MCM5: variants seen among roughly 807,000 people sequenced by gnomAD.
MCM5 encodes the protein minichromosome maintenance complex component 5, also known as DNA replication licensing factor MCM5.
MCM5 carries 46 observed loss-of-function variants against 79.9 expected under a neutral mutation model. The observed-to-expected ratio is 0.58, with a 90% CI of 0.45 to 0.74. The LOEUF is 0.74. Among genes scored for constraint, MCM5 ranks in the 30% least tolerant of loss-of-function variants. The pLI is 0.00. For synonymous variants in MCM5, 404 were observed against 390.5 expected (o/e 1.03, Z -0.41); for missense variants, 883 against 1,017.0 (o/e 0.87, Z 1.79).
Position 35,406,956 on chromosome 22 carries a change from G to A in MCM5, c.596+231G>A, listed in dbSNP as rs181019227. The stretch of plus-strand genomic sequence containing the variant: ...TGTCTCACCAGGATACCCAGACAGC[G>A]TTGTAGGGAACCCAGGGTTGGGAGG... On this transcript the variant is annotated intron_variant, in intron 5 of 16. Transcript: ENST00000216122. 9.2e-5 allele frequency among the ~76,000 whole-genome samples: 14 copies of A among 152,282 alleles called. No homozygotes were observed. The South Asian group carries it at 1.9e-3, about 20-fold the overall frequency.
Position 35,403,538 on chromosome 22 carries a change from T to A in MCM5, c.419T>A (p.Leu140Gln). Residue 140 changes from leucine to glutamine, a missense_variant, in exon 4 of 17, where the codon CTG becomes CAG. Transcript: ENST00000216122. Reference sequence around the variant, plus strand: ...GCCAGCCCTTCCAGCATTCGTAGCCTGAAGGTGGGTCGGAGGGCAGTGGCT... The same window carrying A: ...GCCAGCCCTTCCAGCATTCGTAGCCAGAAGGTGGGTCGGAGGGCAGTGGCT... ...SDASPSSIRS[L>Q]KSDMMSHLVK... is the part of the protein sequence containing the mutation. 6.2e-7 allele frequency: 1 copy of A among 1,613,466 alleles called. No homozygotes were observed. Among genetic ancestry groups the A allele is most frequent in the Non-Finnish European group, 8.5e-7 (1 of 1,180,006 alleles).
chr22:35,428,448 A>G (rs961003735), downstream of MCM5, among the ~76,000 whole-genome samples: 1 of 152,024 alleles, frequency 6.6e-6, no homozygotes, highest in South Asian at 2.1e-4. Flanking sequence ...GGTGTGAGCC[A>G]CTGCACCAGC....
the MCM5 span, among the ~76,000 whole-genome samples, chr22:35,431,259 G>C: frequency 6.6e-6 from 1 of 152,190 alleles, no homozygotes; most frequent in African/African-American, 2.4e-5. Flanking sequence ...TGCTCCAGCG[G>C]AAGTGGGTAT....
At chr22:35,427,579 G>C (rs1932786367), downstream of MCM5, among the ~76,000 whole-genome samples, 1 of 147,444 alleles carries the variant, frequency 6.8e-6, no homozygotes, top group Non-Finnish European at 1.5e-5. Flanking sequence ...CTTGTTTTTG[G>C]GGTACATGTG....
the MCM5 span, among the ~76,000 whole-genome samples, chr22:35,453,819 T>TATATATAGAGAGAGAGAG: frequency 1.5e-4 from 12 of 81,546 alleles, no homozygotes; most frequent in African/African-American, 5.4e-4. Context: ...TATATATATA[T>TATATATAGAGAGAGAGAG]AGAGAGAGAG....
At chr22:35,451,350 G>T in the MCM5 span, among the ~76,000 whole-genome samples, 2 of 152,278 alleles carry the variant, frequency 1.3e-5, no homozygotes, top group Admixed American at 1.3e-4. Flanking sequence ...GGGTCTCAGT[G>T]TGGGGAGATT....
the MCM5 span, among the ~76,000 whole-genome samples, chr22:35,435,348 C>T: frequency 6.6e-6 from 1 of 152,030 alleles, no homozygotes. Context: ...GGCTGTCTCT[C>T]AGGGCCGCGG....
the MCM5 span, among the ~76,000 whole-genome samples, chr22:35,446,357 A>T: frequency 6.6e-6 from 1 of 152,140 alleles, no homozygotes; most frequent in Non-Finnish European, 1.5e-5. Flanking sequence ...TTCCCCACAG[A>T]GGAAGCCAAG....
chr22:35,420,167 GC>G (rs1189859109), intron 14 of MCM5, among the ~76,000 whole-genome samples, 155 bp downstream of exon 14: 2 of 152,228 alleles, frequency 1.3e-5, no homozygotes, highest in African/African-American at 4.8e-5. Flanking sequence ...ATAAACTATG[GC>G]CTCCTTGATC....
At chr22:35,438,333 A>ATCCATCCG in the MCM5 span, among the ~76,000 whole-genome samples, 1 of 142,116 alleles carries the variant, frequency 7.0e-6, no homozygotes, top group Non-Finnish European at 1.5e-5. Context: ...CCATCTATCC[A>ATCCATCCG]TCCATCCATC....
intron 9 of MCM5, 23 bp from the exon 10 acceptor site, chr22:35,415,806 C>G: frequency 6.2e-7 from 1 of 1,604,988 alleles, no homozygotes; most frequent in South Asian, 1.1e-5. Flanking sequence ...TTATTGGGCC[C>G]TGACACCACC....
chr22:35,416,809 G>T lies in MCM5; in HGVS notation c.1585G>T (p.Asp529Tyr). Residue 529 changes from aspartate (D) to tyrosine (Y), a missense_variant, in exon 12 of 17, where the codon GAT (aspartate) becomes TAT (tyrosine). By Grantham distance (160) the Asp-to-Tyr change is radical. Transcript: ENST00000216122. ...CAAGGATGAGCACAATGAGGAGAGGGATGTGGTACGTCCAGGGGCAGGGCT... is the reference window on the plus strand; with the variant it reads ...CAAGGATGAGCACAATGAGGAGAGGTATGTGGTACGTCCAGGGGCAGGGCT... ...IVKDEHNEER[D>Y]VMLAKHVITL... is the part of the protein sequence containing the mutation. The T allele has an allele frequency of 6.2e-7, 1 of 1,613,672 alleles. No homozygotes were observed. The highest frequency in any genetic ancestry group is 1.1e-5 in the South Asian group (1 of 91,050).
At chr22:35,401,584 G>A (rs1932053223) in intron 2 of MCM5, 1 of 470,504 alleles carries the variant, frequency 2.1e-6, no homozygotes, top group Non-Finnish European at 4.4e-6. Context: ...TATTAGCTGA[G>A]TGACTTCCAG....
downstream of MCM5, among the ~76,000 whole-genome samples, chr22:35,427,718 T>C (rs981018422): frequency 7.0e-6 from 1 of 142,058 alleles, no homozygotes; most frequent in Non-Finnish European, 1.5e-5. Context: ...CCCACAAATG[T>C]TTAATTAGGA....
chr22:35,450,039 C>T, the MCM5 span, among the ~76,000 whole-genome samples: 2 of 152,196 alleles, frequency 1.3e-5, no homozygotes, highest in African/African-American at 2.4e-5. Context: ...CTGCCTCAGC[C>T]TCCCACAGTA....
intron 6 of MCM5, 126 bp downstream of exon 6, chr22:35,408,689 A>G (rs1392995224): frequency 8.3e-6 from 8 of 963,720 alleles, no homozygotes; most frequent in Non-Finnish European, 1.2e-5. Flanking sequence ...GGCCAGTTGC[A>G]GAGCACCTGC....
chr22:35,406,298 C>CCG (rs1569064463), intron 4 of MCM5, among the ~76,000 whole-genome samples: 9 of 136,220 alleles, frequency 6.6e-5, no homozygotes, highest in African/African-American at 1.4e-4. Context: ...GCCCTGCCAC[C>CCG]TCCCCCCCCA....
downstream of MCM5, among the ~76,000 whole-genome samples, chr22:35,426,224 C>T (rs527676150): frequency 2.6e-5 from 4 of 152,212 alleles, no homozygotes; most frequent in South Asian, 6.2e-4. Context: ...TGCCAGTCTC[C>T]TTCCAGATCG....
chr22:35,402,735 G>C (rs969473337), intron 2 of MCM5, among the ~76,000 whole-genome samples: 4 of 152,136 alleles, frequency 2.6e-5, no homozygotes, highest in Non-Finnish European at 5.9e-5. Flanking sequence ...GTAGAGACTG[G>C]GTGTTGCCAT....
Sources: gnomAD v4.1 joint callset for allele counts (sites outside exome capture counted in the v4.1 genomes callset) on GRCh38, gnomAD v4.1.1 for gene constraint, MANE v1.5 for transcripts, NCBI Gene and HGNC (gene_info 2026-07-23, HGNC 2026-07-21) for gene names.